NWD1: variants seen among roughly 807,000 people sequenced by gnomAD.
NWD1 encodes the protein NACHT and WD repeat domain containing 1, also known as NACHT domain- and WD repeat-containing protein 1.
In NWD1, 129 loss-of-function variants were observed where a neutral mutation model predicts 135.1. That is an observed-to-expected ratio of 0.96 (90% CI 0.83 to 1.11). The LOEUF (loss-of-function observed/expected upper bound fraction) is 1.11, where lower values mean the gene tolerates loss of function less well. Among genes scored for constraint, NWD1 ranks in the 50% least tolerant of loss-of-function variants. The pLI is 0.00. For missense variants in NWD1, 1,740 were observed against 1,851.3 expected, an observed-to-expected ratio of 0.94 and a Z score of 1.10; for synonymous variants, 773 against 786.0, an observed-to-expected ratio of 0.98 and a Z score of 0.28.
chr19:16,753,727 A>G (rs950467397), intron 6 of NWD1, among the ~76,000 whole-genome samples: 14 of 152,148 alleles, frequency 9.2e-5, no homozygotes, highest in Non-Finnish European at 2.1e-4. Context: ...ATCCAGCCCC[A>G]GATGTTGATA....
intron 4 of NWD1, among the ~76,000 whole-genome samples, chr19:16,742,172 C>T (rs891051313): frequency 5.9e-5 from 9 of 151,486 alleles, no homozygotes; most frequent in East Asian, 1.9e-4. Context: ...ATCAAGAATT[C>T]GAGACCAGCC....
intron 2 of NWD1, among the ~76,000 whole-genome samples, chr19:16,727,945 C>T (rs1391772487): frequency 2.0e-5 from 3 of 152,024 alleles, no homozygotes; most frequent in Admixed American, 6.6e-5. Flanking sequence ...GCCTGTAATC[C>T]CAGCTACTTG....
chr19:16,734,534 CAAAA>C (rs35642054), intron 3 of NWD1, among the ~76,000 whole-genome samples: 1 of 123,716 alleles, frequency 8.1e-6, no homozygotes, highest in Non-Finnish European at 1.7e-5. Context: ...GACTCCATCT[CAAAA>C]AAAAAAAAAA....
rs190756300 is a variant in NWD1 at position 16,759,833 on chromosome 19, A to G, written c.1973+405A>G. ...ACATGGTGAAACCCTGTCTCTATTA[A>G]AAATACAAAAATTAGCCAGACGCGG... On this transcript the variant is annotated intron_variant, in intron 7 of 18. Transcript: ENST00000524140. Among the ~76,000 whole-genome samples the G allele has an allele frequency of 6.6e-5, 10 of 151,946 alleles. No homozygotes were observed. In the East Asian group the frequency reaches 1.9e-3, roughly 29 times the overall value.
In NWD1 at chr19:16,808,482, A is replaced by G. The variant is rs530972883; in HGVS notation, c.4287+346A>G. 1.6e-3 allele frequency among the ~76,000 whole-genome samples: 236 copies of G among 152,046 alleles called. 1 individual carries two copies. Among genetic ancestry groups the G allele is most frequent in the Middle Eastern group, 3.4e-3 (1 of 294 alleles). Reference sequence around the variant, plus strand: ...GGAGAATCGCTTGAAATTGGGAGGCAGAGGTTGCAGTGAGCCAAGATCACG... The same window carrying G: ...GGAGAATCGCTTGAAATTGGGAGGCGGAGGTTGCAGTGAGCCAAGATCACG... On this transcript the variant is annotated intron_variant, in intron 18 of 18. Transcript: ENST00000524140.
At position 16,765,183 on chromosome 19, in the gene NWD1, C is replaced by G; in HGVS notation, c.2401C>G (p.Arg801Gly). 6.2e-7 allele frequency: 1 copy of G among 1,613,990 alleles called. No homozygotes were observed. Among genetic ancestry groups the G allele is most frequent in the Non-Finnish European group, 8.5e-7 (1 of 1,179,990 alleles). ...GCTCTGCCGCCCTGCTGTGGAGCTCCGAGGCATGGGTGAGTCCAGATGGCC... is the reference window on the plus strand; with the variant it reads ...GCTCTGCCGCCCTGCTGTGGAGCTCGGAGGCATGGGTGAGTCCAGATGGCC... Reference protein sequence around the residue: ...LQLCRPAVELRGMERSLLYTE... With the variant: ...LQLCRPAVELGGMERSLLYTE... Residue 801 changes from arginine to glycine, a missense_variant, in exon 10 of 19, where the codon CGA becomes GGA. Arg to Gly is a moderately radical substitution (Grantham distance 125). Transcript: ENST00000524140.
At chr19:16,792,876 C>CAAA (rs1189102088) in intron 14 of NWD1, among the ~76,000 whole-genome samples, 2 of 51,866 alleles carry the variant, frequency 3.9e-5, no homozygotes, top group Non-Finnish European at 8.3e-5. Context: ...AACTCCATCT[C>CAAA]AAAAAAAAAA....
rs1452818967 is a variant in NWD1, at chr19:16,744,596, G to T, written c.374G>T (p.Gly125Val). 8 of 1,535,222 alleles carry T rather than the reference G, an allele frequency of 5.2e-6. No homozygotes were observed. Among genetic ancestry groups the T allele is most frequent in the Non-Finnish European group, 7.0e-6 (8 of 1,146,390 alleles). The part of the protein sequence containing the change: ...FPPTYVLQAP[G>V]TGEACEPEEA... ...CCCACCTACGTCCTGCAGGCACCAG[G>T]TACTGGGGAGGCCTGTGAACCAGAG... Residue 125 changes from glycine (G) to valine (V), a missense_variant, in exon 5 of 19, where the codon GGT becomes GTT. By Grantham distance (109) the Gly-to-Val change is moderately radical. Transcript: ENST00000524140.
At chr19:16,756,255 A>G (rs1439927567) in intron 6 of NWD1, among the ~76,000 whole-genome samples, 1 of 152,110 alleles carries the variant, frequency 6.6e-6, no homozygotes, top group African/African-American at 2.4e-5. Flanking sequence ...CTGCCTCAAA[A>G]AAATAGAAAA....
rs756038608 is a variant in NWD1, at chr19:16,746,690, C to CA, written c.496+1974dup. Among the ~76,000 whole-genome samples the CA allele has an allele frequency of 1.4e-3, 177 of 126,740 alleles. 1 individual carries two copies. In the Middle Eastern group the frequency reaches 0.014, roughly 10 times the overall value. 83.1% of individuals were successfully genotyped at this position (126,740 alleles called of 152,430 possible). A position where few individuals can be genotyped will look rare whatever the true frequency, so the allele number is the denominator to read the frequency against. Reference sequence around the variant, plus strand: ...CTGTCTAAAAACAAAAAACAAAAAACAACAAAAAAAAACAGTCGATGAACA... The same window carrying CA: ...CTGTCTAAAAACAAAAAACAAAAAACAAACAAAAAAAAACAGTCGATGAACA... On this transcript the variant is annotated intron_variant, in intron 5 of 18. Coordinates refer to ENST00000524140, the MANE Select transcript of NWD1 (RefSeq NM_001007525.5).
intron 16 of NWD1, 89 bp from the exon 17 acceptor site, chr19:16,799,797 C>A: frequency 7.8e-7 from 1 of 1,286,590 alleles, no homozygotes; most frequent in East Asian, 2.3e-5. Context: ...CGTGAGCCAC[C>A]GCGCCTGGCC....
chr19:16,807,766 C>G lies in NWD1; in HGVS notation c.3917C>G (p.Ser1306Cys). Reference sequence around the variant, plus strand: ...GCCCGGAAAGCAATCAACTGCATGTCCCTGAGCAAGTGCGAGGACCGCCTG... The same window carrying G: ...GCCCGGAAAGCAATCAACTGCATGTGCCTGAGCAAGTGCGAGGACCGCCTG... ...PEARKAINCM[S>C]LSKCEDRLAI... The change falls in exon 18 of 19, where the codon TCC becomes TGC. Residue 1306 changes from serine to cysteine, a missense_variant. Ser to Cys is a moderately radical substitution (Grantham distance 112). Coordinates refer to ENST00000524140, the MANE Select transcript of NWD1 (RefSeq NM_001007525.5). 6.2e-7 allele frequency: 1 copy of G among 1,613,758 alleles called. No homozygotes were observed. The highest frequency in any genetic ancestry group is 8.5e-7 in the Non-Finnish European group (1 of 1,179,742).
intron 14 of NWD1, among the ~76,000 whole-genome samples, chr19:16,792,368 C>T (rs967310299): frequency 6.6e-6 from 1 of 151,906 alleles, no homozygotes; most frequent in Non-Finnish European, 1.5e-5. Flanking sequence ...ATGGCAAAAC[C>T]CTGTCTTTAC....
At position 16,750,042 on chromosome 19, in the gene NWD1, C is replaced by T. The variant is rs1968506024; in HGVS notation, c.1400C>T (p.Ser467Leu). 6.2e-7 allele frequency: 1 copy of T among 1,613,904 alleles called. No homozygotes were observed. The highest frequency in any genetic ancestry group is 8.5e-7 in the Non-Finnish European group (1 of 1,179,962). Reference sequence around the variant, plus strand: ...CCCCCGAGGGTGCACCTCATCCTCTCAGCTTGCTCGGGGGCACTGGGGGTT... The same window carrying T: ...CCCCCGAGGGTGCACCTCATCCTCTTAGCTTGCTCGGGGGCACTGGGGGTT... ...NCPPRVHLIL[S>L]ACSGALGVLD... The change falls in exon 6 of 19, where the codon TCA (serine) becomes TTA (leucine). Residue 467 changes from serine (S) to leucine (L), a missense_variant. Coordinates refer to ENST00000524140, the MANE Select transcript of NWD1 (RefSeq NM_001007525.5).
At chr19:16,773,365 C>CTGGGA in intron 11 of NWD1, 42 bp downstream of exon 11, 1 of 1,557,198 alleles carries the variant, frequency 6.4e-7, no homozygotes, top group Non-Finnish European at 8.8e-7. Flanking sequence ...CAGGCACCTG[C>CTGGGA]TTGCCTGGGG....
chr19:16,729,460 C>A (rs547246069), intron 2 of NWD1, among the ~76,000 whole-genome samples: 20 of 152,038 alleles, frequency 1.3e-4, no homozygotes, highest in African/African-American at 4.6e-4. Context: ...CTTCAGGGAG[C>A]CCTTCTCTGC....
rs555962218 is a variant in NWD1 at position 16,720,564 on chromosome 19, T to G, written c.-105+271T>G. On this transcript the variant is annotated intron_variant, in intron 1 of 18. Coordinates refer to ENST00000524140, the MANE Select transcript of NWD1 (RefSeq NM_001007525.5). ...GGACATTGCAATGTCTAGGGAGACT[T>G]TTTTTTTTTTGAGACGGAGTCTCGC... Among the ~76,000 whole-genome samples, 6 of 150,866 alleles carry G rather than the reference T, an allele frequency of 4.0e-5. No individual in the cohort carries two copies. The East Asian group carries it at 1.2e-3, about 29-fold the overall frequency.
chr19:16,799,763 C>T, intron 16 of NWD1, 123 bp from the exon 17 acceptor site: 1 of 819,208 alleles, frequency 1.2e-6, no homozygotes, highest in Non-Finnish European at 1.9e-6. Context: ...CTGCCTCAGC[C>T]TCCCAAAGTG....
Position 16,749,444 on chromosome 19 carries a change from C to T in NWD1, c.802C>T (p.Gln268Ter). The T allele has an allele frequency of 1.2e-6, 2 of 1,613,644 alleles. No individual in the cohort carries two copies. The highest frequency in any genetic ancestry group is 1.7e-6 in the Non-Finnish European group (2 of 1,179,650). The change falls in exon 6 of 19, where the codon CAG becomes TAG. Residue 268 changes from glutamine to a stop codon, truncating the protein, a stop_gained. Coordinates refer to ENST00000524140, the MANE Select transcript of NWD1 (RefSeq NM_001007525.5). LOFTEE classifies it high-confidence loss of function. ...CTGCTACCTGAAGGAGCTGGGTGAG[C>T]AGTTTGTGGTGAGGGCCAATCACCA... ...HACYLKELGE[Q>*]FVVRANHQVL...
Sources: gnomAD v4.1 joint callset for allele counts (sites outside exome capture counted in the v4.1 genomes callset) on GRCh38, gnomAD v4.1.1 for gene constraint, MANE v1.5 for transcripts, NCBI Gene and HGNC (gene_info 2026-07-23, HGNC 2026-07-21) for gene names.